Variants in FBXO16 observed in about 807,000 individuals in gnomAD.
FBXO16 encodes the protein F-box protein 16.
Under a neutral mutation model 41.0 loss-of-function variants are expected in FBXO16, and 31 were observed. The ratio of observed to expected loss-of-function variants is 0.76; its 90% CI spans 0.57 to 1.02. The LOEUF is 1.02. Among genes scored for constraint, FBXO16 ranks in the 50% least tolerant of loss-of-function variants. The probability of loss-of-function intolerance (pLI) is 0.00; values close to 1 mark genes in which losing one functional copy is unlikely to be tolerated. For synonymous variants in FBXO16, 133 were observed against 117.8 expected, an observed-to-expected ratio of 1.13 and a Z score of -0.84; for missense variants, 361 against 346.2, an observed-to-expected ratio of 1.04 and a Z score of -0.34.
chr8:28,482,728 G>A (rs368189850), intron 2 of FBXO16, among the ~76,000 whole-genome samples: 1,829 of 146,066 alleles, frequency 0.013, 34 homozygotes, highest in African/African-American at 0.043. Context: ...ACACCACCAC[G>A]CCCAGCTAAT....
chr8:28,455,742 C>T (rs1803029414), intron 5 of FBXO16: 1 of 152,198 alleles, frequency 6.6e-6, no homozygotes, highest in Non-Finnish European at 1.5e-5. Context: ...ACTTAAAACT[C>T]TCTTTTTAAA....
chr8:28,468,751 G>A (rs1429024720), intron 3 of FBXO16, among the ~76,000 whole-genome samples: 2 of 151,738 alleles, frequency 1.3e-5, no homozygotes, highest in African/African-American at 4.8e-5. Context: ...GGGAGGCTGA[G>A]GTGGGAGGAT....
chr8:28,489,775 AC>A (rs1803661902), intron 1 of FBXO16, among the ~76,000 whole-genome samples: 1 of 152,234 alleles, frequency 6.6e-6, no homozygotes, highest in South Asian at 2.1e-4. Context: ...ATAACATGAT[AC>A]TGGGCTCTGG....
At chr8:28,465,040 T>A (rs1323969134) in intron 3 of FBXO16, among the ~76,000 whole-genome samples, 1 of 152,118 alleles carries the variant, frequency 6.6e-6, no homozygotes, top group Non-Finnish European at 1.5e-5. Context: ...AAAGGAAAAA[T>A]TTATTTTTTG....
At chr8:28,430,366 G>A (rs111368977) in intron 7 of FBXO16, among the ~76,000 whole-genome samples, 44 of 152,282 alleles carry the variant, frequency 2.9e-4, no homozygotes, top group African/African-American at 1.1e-3. Context: ...GGCCCACTGT[G>A]CCCGGCCAAA....
At chr8:28,454,573 A>G (rs1438201139) in intron 5 of FBXO16, among the ~76,000 whole-genome samples, 2 of 151,028 alleles carry the variant, frequency 1.3e-5, no homozygotes, top group African/African-American at 2.5e-5. Context: ...CTAAAAATAC[A>G]AAAAATTAGC....
chr8:28,432,664 C>T (rs1156355672), intron 7 of FBXO16, among the ~76,000 whole-genome samples: 3 of 152,178 alleles, frequency 2.0e-5, no homozygotes, highest in African/African-American at 7.2e-5. Context: ...TACGAATGTG[C>T]AGCCTCCTCT....
chr8:28,433,462 G>A (rs1802640942), intron 7 of FBXO16, among the ~76,000 whole-genome samples: 1 of 152,162 alleles, frequency 6.6e-6, no homozygotes, highest in Non-Finnish European at 1.5e-5. Context: ...TGGTCCCATA[G>A]GTACCTCCAA....
intron 7 of FBXO16, among the ~76,000 whole-genome samples, chr8:28,442,961 G>A (rs1802804192): frequency 1.3e-5 from 2 of 152,206 alleles, no homozygotes; most frequent in Non-Finnish European, 2.9e-5. Context: ...AAAAAGGGAG[G>A]CTGGTGTCAG....
At chr8:28,436,303 G>T (rs6986268) in intron 7 of FBXO16, among the ~76,000 whole-genome samples, 90,774 of 152,120 alleles carry the variant, frequency 0.6, 29,824 homozygotes, top group African/African-American at 0.87. Flanking sequence ...CAGTCCTGTA[G>T]GGACACCTTC....
intron 6 of FBXO16, among the ~76,000 whole-genome samples, chr8:28,451,107 C>T (rs1802945097): frequency 1.3e-5 from 2 of 152,058 alleles, no homozygotes; most frequent in Admixed American, 6.6e-5. Context: ...CCCGCACTCA[C>T]CCAGACTTCT....
In FBXO16 at chr8:28,446,176, C is replaced by CTTTTTT. The variant is rs11421643; in HGVS notation, c.843+989_843+994dup. Among the ~76,000 whole-genome samples the CTTTTTT allele has an allele frequency of 9.6e-4, 80 of 83,070 alleles. 1 individual carries two copies. Among genetic ancestry groups the CTTTTTT allele is most frequent in the Non-Finnish European group, 1.4e-3 (65 of 46,006 alleles). The allele number at this position is 83,070 out of a possible 152,430, so 54.5% of individuals were successfully genotyped here. On this transcript the variant is annotated intron_variant, in intron 7 of 8. Transcript: ENST00000380254. ...CAAAGTTACTTTAAATGCATTTTTC[C>CTTTTTT]TTTTTTTTTTTTTTTTTTTTTTTGA...
At chr8:28,472,502 A>AG (rs1435455931) in intron 3 of FBXO16, among the ~76,000 whole-genome samples, 10 of 151,954 alleles carry the variant, frequency 6.6e-5, no homozygotes, top group South Asian at 2.1e-4. Context: ...TGGGAGGTCA[A>AG]GGGGGGGCGG....
chr8:28,449,714 C>T lies in FBXO16; in HGVS notation c.741-2441G>A, dbSNP rs1260682390. 3.3e-5 allele frequency among the ~76,000 whole-genome samples: 5 copies of T among 151,934 alleles called. No individual in the cohort carries two copies. The East Asian group carries it at 9.7e-4, about 29-fold the overall frequency. Reference sequence around the variant, plus strand: ...ACGGGTCAGGTGCGGTGGCTCATGCCTGTAATCCCAGCACTTTGGGAGGCT... The same window carrying T: ...ACGGGTCAGGTGCGGTGGCTCATGCTTGTAATCCCAGCACTTTGGGAGGCT... On this transcript the variant is annotated intron_variant, in intron 6 of 8. Transcript: ENST00000380254.
At chr8:28,466,765 T>C (rs1020684522) in intron 3 of FBXO16, among the ~76,000 whole-genome samples, 1 of 151,996 alleles carries the variant, frequency 6.6e-6, no homozygotes, top group Non-Finnish European at 1.5e-5. Flanking sequence ...AGTTGGAAAG[T>C]TGGCTTGACG....
intron 7 of FBXO16, among the ~76,000 whole-genome samples, chr8:28,446,417 C>T (rs1417527642): frequency 6.6e-6 from 1 of 151,350 alleles, no homozygotes. Context: ...AAGTGATCCT[C>T]CTGCCTCAGC....
intron 5 of FBXO16, chr8:28,456,512 A>G: frequency 2.7e-6 from 1 of 373,026 alleles, no homozygotes; most frequent in South Asian, 4.5e-5. Context: ...AGGGACCTAG[A>G]CAGAGAAAGA....
chr8:28,477,108 T>G (rs1297950769), intron 2 of FBXO16, among the ~76,000 whole-genome samples: 11 of 49,558 alleles, frequency 2.2e-4, no homozygotes, highest in African/African-American at 6.5e-4. Flanking sequence ...ATGACGCAGT[T>G]TTTTTTTTTA....
intron 3 of FBXO16, 105 bp downstream of exon 3, chr8:28,473,667 A>G: frequency 2.1e-6 from 2 of 946,724 alleles, no homozygotes; most frequent in Non-Finnish European, 1.7e-6. Flanking sequence ...TGAGTAAAAT[A>G]TGTCTGTTAT....
Sources: gnomAD v4.1 joint callset for allele counts (sites outside exome capture counted in the v4.1 genomes callset) on GRCh38, gnomAD v4.1.1 for gene constraint, MANE v1.5 for transcripts, NCBI Gene and HGNC (gene_info 2026-07-23, HGNC 2026-07-21) for gene names.